Variants in ABTB2 observed in about 807,000 individuals in gnomAD.
ABTB2 encodes the protein ankyrin repeat and BTB/POZ domain-containing protein 2.
A neutral mutation model predicts 104.1 loss-of-function variants in ABTB2; 56 were observed. The observed-to-expected ratio is 0.54, with a 90% CI of 0.43 to 0.67. The LOEUF is 0.67. Among genes scored for constraint, ABTB2 ranks in the 30% least tolerant of loss-of-function variants. The pLI is 0.00. For missense variants in ABTB2, 1,279 were observed against 1,407.7 expected (o/e 0.91, Z 1.46); for synonymous variants, 606 against 608.2 (o/e 1.00, Z 0.05).
chr11:34,302,992 G>C (rs781291403), intron 1 of ABTB2, among the ~76,000 whole-genome samples: 1 of 152,178 alleles, frequency 6.6e-6, no homozygotes, highest in Non-Finnish European at 1.5e-5. Flanking sequence ...TCCTGGCTCT[G>C]GCAGATTGAT....
chr11:34,237,048 C>T (rs1853853409), intron 1 of ABTB2, among the ~76,000 whole-genome samples: 1 of 152,064 alleles, frequency 6.6e-6, no homozygotes, highest in Non-Finnish European at 1.5e-5. Context: ...AGAGTAGGGG[C>T]TTTGGGGACA....
chr11:34,343,505 C>T (rs1173125384), intron 1 of ABTB2, among the ~76,000 whole-genome samples: 1 of 152,048 alleles, frequency 6.6e-6, no homozygotes, highest in Admixed American at 6.5e-5. Context: ...GACAGAGTCT[C>T]GCTCTGTTGC....
At chr11:34,234,396 GACACAGTAAATTACCTGGGATTTCC>G (rs1353355201) in intron 1 of ABTB2, among the ~76,000 whole-genome samples, 1 of 152,168 alleles carries the variant, frequency 6.6e-6, no homozygotes, top group African/African-American at 2.4e-5. Flanking sequence ...GAATATCAGA[GACACAGTAAATTACCTGGGATTTCC>G]CCATCAGGGA....
chr11:34,254,705 T>C (rs1400348021), intron 1 of ABTB2, among the ~76,000 whole-genome samples: 1 of 146,706 alleles, frequency 6.8e-6, no homozygotes, highest in Non-Finnish European at 1.5e-5. Context: ...AGAGTCTTGC[T>C]CTATCGCCCA....
rs149768723 is a variant in ABTB2 at position 34,350,965 on chromosome 11, G to C, written c.883+5736C>G. ...CAGGATTCTCATGGGGACCTAGAAAGCTCACAGATGAGAATAAGCTTGAGG... is the reference window on the plus strand; with the variant it reads ...CAGGATTCTCATGGGGACCTAGAAACCTCACAGATGAGAATAAGCTTGAGG... On this transcript the variant is annotated intron_variant, in intron 1 of 16. Transcript: ENST00000435224. 8.7e-4 allele frequency among the ~76,000 whole-genome samples: 133 copies of C among 152,326 alleles called. 1 individual carries two copies. Among genetic ancestry groups the C allele is most frequent in the African/African-American group, 3.1e-3 (129 of 41,576 alleles).
At chr11:34,218,638 T>C (rs1267285270) in intron 1 of ABTB2, among the ~76,000 whole-genome samples, 1 of 151,848 alleles carries the variant, frequency 6.6e-6, no homozygotes, top group Non-Finnish European at 1.5e-5. Context: ...TCACCTGAGG[T>C]CGGGAGTTCC....
rs1291171711 is a variant in ABTB2 at position 34,311,858 on chromosome 11, G to A, written c.883+44843C>T. ...CCGTTCATTCAGAGAAAGCCAATGG[G>A]GGCCGGGCATGGTGGCTCACACCTG... is the stretch of plus-strand genomic sequence containing the variant. On this transcript the variant is annotated intron_variant, in intron 1 of 16. Coordinates refer to ENST00000435224, the MANE Select transcript of ABTB2 (RefSeq NM_145804.3). 6.6e-5 allele frequency among the ~76,000 whole-genome samples: 10 copies of A among 152,118 alleles called. No homozygotes were observed. In the East Asian group the frequency reaches 1.7e-3, roughly 26 times the overall value.
intron 1 of ABTB2, among the ~76,000 whole-genome samples, chr11:34,238,971 T>G (rs1320473681): frequency 6.6e-6 from 1 of 152,182 alleles, no homozygotes; most frequent in African/African-American, 2.4e-5. Context: ...GCCAGGATGG[T>G]CTTGATCTCC....
intron 1 of ABTB2, chr11:34,335,200 G>C (rs1254412470): frequency 7.9e-7 from 1 of 1,262,736 alleles, no homozygotes; most frequent in African/African-American, 1.4e-5. Flanking sequence ...GTACCCCAGA[G>C]ACTATGACGA....
intron 1 of ABTB2, among the ~76,000 whole-genome samples, chr11:34,258,148 T>C (rs922122457): frequency 1.3e-5 from 2 of 152,168 alleles, no homozygotes; most frequent in Admixed American, 1.3e-4. Flanking sequence ...CATAGAAATC[T>C]CAGGATTAAG....
At chr11:34,307,701 GTTT>G in intron 1 of ABTB2, among the ~76,000 whole-genome samples, 1 of 140,558 alleles carries the variant, frequency 7.1e-6, no homozygotes, top group South Asian at 2.3e-4. Flanking sequence ...GTGACTCTCT[GTTT>G]TTTTTTTTTT....
Position 34,320,513 on chromosome 11 carries a change from TAA to T in ABTB2, c.883+36186_883+36187del, listed in dbSNP as rs1232223495. On this transcript the variant is annotated intron_variant, in intron 1 of 16. Coordinates refer to ENST00000435224, the MANE Select transcript of ABTB2 (RefSeq NM_145804.3). ...TCCACAGGTGTACAGAGATTTATGATAAAAGTCACTTGGATGGATATACCTCA... is the reference window on the plus strand; with the variant it reads ...TCCACAGGTGTACAGAGATTTATGATAAGTCACTTGGATGGATATACCTCA... Among the ~76,000 whole-genome samples, 9 of 152,310 alleles carry T rather than the reference TAA, an allele frequency of 5.9e-5. No homozygotes were observed. In the South Asian group the frequency reaches 1.7e-3, roughly 28 times the overall value.
At chr11:34,314,120 C>T (rs1195402983) in intron 1 of ABTB2, among the ~76,000 whole-genome samples, 1 of 152,180 alleles carries the variant, frequency 6.6e-6, no homozygotes, top group East Asian at 1.9e-4. Flanking sequence ...AGGGAAACTA[C>T]TACCTGAGAT....
intron 14 of ABTB2, among the ~76,000 whole-genome samples, chr11:34,157,561 G>A (rs1852647137): frequency 1.3e-5 from 2 of 152,170 alleles, no homozygotes; most frequent in African/African-American, 4.8e-5. Flanking sequence ...TGCCTGATCT[G>A]AGCATGACTC....
chr11:34,255,259 G>A (rs1854107009), intron 1 of ABTB2, among the ~76,000 whole-genome samples: 1 of 152,154 alleles, frequency 6.6e-6, no homozygotes. Context: ...AGGGCCTAGA[G>A]TAATTGTCCT....
At chr11:34,195,721 A>C (rs1312856868) in intron 3 of ABTB2, among the ~76,000 whole-genome samples, 1 of 152,184 alleles carries the variant, frequency 6.6e-6, no homozygotes, top group Admixed American at 6.5e-5. Flanking sequence ...CTTTCTTGGT[A>C]GTGTGTGAAT....
chr11:34,247,934 G>A (rs1854004825), intron 1 of ABTB2, among the ~76,000 whole-genome samples: 2 of 152,090 alleles, frequency 1.3e-5, no homozygotes, highest in South Asian at 2.1e-4. Context: ...GTCTTAACTC[G>A]AGGAAGAAGG....
intron 1 of ABTB2, among the ~76,000 whole-genome samples, chr11:34,283,919 AT>A (rs1276011692): frequency 6.6e-6 from 1 of 152,230 alleles, no homozygotes; most frequent in Middle Eastern, 3.2e-3. Context: ...AGCCAGTTTT[AT>A]GGAAGTAAGT....
At chr11:34,269,026 C>T (rs1450884683) in intron 1 of ABTB2, among the ~76,000 whole-genome samples, 3 of 152,158 alleles carry the variant, frequency 2.0e-5, no homozygotes, top group Non-Finnish European at 2.9e-5. Context: ...AGCGCTGATG[C>T]CCCCCACAGC....
Sources: allele counts gnomAD v4.1 joint callset (sites outside exome capture counted in the v4.1 genomes callset), GRCh38; gene constraint gnomAD v4.1.1; transcripts MANE v1.5; gene names NCBI Gene and HGNC (gene_info 2026-07-23, HGNC 2026-07-21).